The following WT1 variants were observed in gnomAD, a reference collection of about 807,000 sequenced individuals.
WT1 encodes WT1 transcription factor, also known as Wilms tumor protein.
Under a neutral mutation model 60.8 loss-of-function variants are expected in WT1, and 8 were observed. The ratio of observed to expected loss-of-function variants is 0.13; its 90% CI spans 0.08 to 0.24. The LOEUF is 0.24. Ranked by LOEUF, WT1 falls within the 10% of genes least tolerant of loss-of-function variation. WT1 has a pLI of 1.00. For missense variants in WT1, 568 were observed against 711.8 expected, an observed-to-expected ratio of 0.80 and a Z score of 2.30; for synonymous variants, 312 against 297.1, an observed-to-expected ratio of 1.05 and a Z score of -0.52.
intron 1 of WT1, among the ~76,000 whole-genome samples, chr11:32,429,816 T>G (rs557827979): frequency 1.3e-5 from 2 of 151,778 alleles, no homozygotes; most frequent in Non-Finnish European, 2.9e-5. Flanking sequence ...AGGAGTAAAT[T>G]GGGTCAAACA....
At chr11:32,417,869 C>G (rs1467114484) in intron 3 of WT1, among the ~76,000 whole-genome samples, 5 of 152,238 alleles carry the variant, frequency 3.3e-5, no homozygotes, top group African/African-American at 9.6e-5. Context: ...GTGAGAGTAA[C>G]TCAGAAGCAT....
chr11:32,393,290 G>A (rs1443360465), intron 7 of WT1, among the ~76,000 whole-genome samples: 4 of 152,156 alleles, frequency 2.6e-5, no homozygotes, highest in African/African-American at 7.2e-5. Context: ...ATGACTCCAT[G>A]GTTGTGAGAC....
intron 3 of WT1, among the ~76,000 whole-genome samples, chr11:32,420,219 G>A (rs1166198337): frequency 6.6e-6 from 1 of 152,144 alleles, no homozygotes; most frequent in African/African-American, 2.4e-5. Flanking sequence ...TTTTTTGAAT[G>A]TGGTTACTAG....
At position 32,388,915 on chromosome 11, in the gene WT1, A is replaced by G; in HGVS notation, c.*143T>C. 6.9e-7 allele frequency: 1 copy of G among 1,458,304 alleles called. No individual in the cohort carries two copies. Among genetic ancestry groups the G allele is most frequent in the Non-Finnish European group, 9.3e-7 (1 of 1,073,280 alleles). The allele number at this position is 1,458,304 out of a possible 1,614,324, so 90.3% of individuals were successfully genotyped here. A position where few individuals can be genotyped will look rare whatever the true frequency, so the allele number is the denominator to read the frequency against. On this transcript the variant is annotated 3_prime_UTR_variant, in exon 10 of 10. Coordinates refer to ENST00000452863, the MANE Select transcript of WT1 (RefSeq NM_024426.6). ...CCAGGCACACCTGGTAGTTTCCAGA[A>G]GCACCGGTATCTTGTCTTGGAAGTT...
intron 6 of WT1, among the ~76,000 whole-genome samples, chr11:32,398,730 G>A (rs764475274): frequency 5.3e-5 from 8 of 151,890 alleles, no homozygotes; most frequent in Non-Finnish European, 1.0e-4. Flanking sequence ...CACCTCATAA[G>A]TGTGTATTGC....
At chr11:32,392,815 G>A (rs2132922300) in intron 7 of WT1, 60 bp from the exon 8 acceptor site, 1 of 1,500,342 alleles carries the variant, frequency 6.7e-7, no homozygotes, top group Non-Finnish European at 9.3e-7. Context: ...CTCATTAAAG[G>A]CAACCTCTCC....
chr11:32,391,701 C>T (rs574179698), intron 9 of WT1, among the ~76,000 whole-genome samples: 142 of 152,322 alleles, frequency 9.3e-4, no homozygotes, highest in Non-Finnish European at 1.4e-3. Context: ...AAACTGGAAA[C>T]AGTAGGGACC....
chr11:32,421,448 T>G (rs1852851243), intron 3 of WT1, among the ~76,000 whole-genome samples: 1 of 152,224 alleles, frequency 6.6e-6, no homozygotes, highest in African/African-American at 2.4e-5. Flanking sequence ...GCTGCCAAAA[T>G]GTATTCCAAA....
chr11:32,427,810 T>A (rs1413529139), intron 3 of WT1, 146 bp downstream of exon 3: 2 of 595,678 alleles, frequency 3.4e-6, no homozygotes, highest in Non-Finnish European at 5.8e-6. Context: ...CTCTAAGTAG[T>A]AGAGTGGAGT....
Position 32,388,403 on chromosome 11 carries a change from G to A in WT1, c.*655C>T, listed in dbSNP as rs897393675. Reference sequence around the variant, plus strand: ...TGCCAGTGTTCACATTGAATTAACTGAATGGTAAAATTCTTTTAGATTTCT... The same window carrying A: ...TGCCAGTGTTCACATTGAATTAACTAAATGGTAAAATTCTTTTAGATTTCT... On this transcript the variant is annotated 3_prime_UTR_variant, in exon 10 of 10. Coordinates refer to ENST00000452863, the MANE Select transcript of WT1 (RefSeq NM_024426.6). The A allele has an allele frequency of 2.1e-5, 5 of 233,948 alleles. No individual in the cohort carries two copies. Among genetic ancestry groups the A allele is most frequent in the Non-Finnish European group, 4.2e-5 (5 of 118,550 alleles). The allele number at this position is 233,948 out of a possible 1,614,324, so 14.5% of individuals were successfully genotyped here.
intron 5 of WT1, among the ~76,000 whole-genome samples, chr11:32,401,118 A>T (rs1464793237): frequency 6.6e-6 from 1 of 152,262 alleles, no homozygotes; most frequent in Admixed American, 6.5e-5. Flanking sequence ...CCATCAACTG[A>T]TGAATAGATA....
intron 5 of WT1, among the ~76,000 whole-genome samples, chr11:32,411,258 A>G (rs1852490703): frequency 6.6e-6 from 1 of 152,156 alleles, no homozygotes; most frequent in Non-Finnish European, 1.5e-5. Flanking sequence ...CCTCACCTCC[A>G]CAAGATGAAA....
At chr11:32,413,392 C>G (rs1205102559) in intron 5 of WT1, among the ~76,000 whole-genome samples, 5 of 152,180 alleles carry the variant, frequency 3.3e-5, no homozygotes, top group Admixed American at 3.3e-4. Context: ...CATATTAATA[C>G]TTTTCATACC....
intron 1 of WT1, among the ~76,000 whole-genome samples, chr11:32,429,293 C>T (rs558179846): frequency 1.7e-4 from 26 of 152,290 alleles, no homozygotes; most frequent in African/African-American, 6.0e-4. Flanking sequence ...TGGGACCCAC[C>T]TTGCGCCCAG....
intron 9 of WT1, among the ~76,000 whole-genome samples, chr11:32,389,678 T>C (rs1184697960): frequency 1.3e-5 from 2 of 151,784 alleles, no homozygotes; most frequent in Admixed American, 1.3e-4. Context: ...GTAGATACCC[T>C]GGATGGGCTG....
chr11:32,429,308 C>T (rs1340252670), intron 1 of WT1, among the ~76,000 whole-genome samples: 1 of 152,128 alleles, frequency 6.6e-6, no homozygotes, highest in African/African-American at 2.4e-5. Context: ...GCCCAGGGGT[C>T]CGACCCTGAC....
At chr11:32,432,241 G>A (rs1455259960) in intron 1 of WT1, among the ~76,000 whole-genome samples, 3 of 152,156 alleles carry the variant, frequency 2.0e-5, no homozygotes, top group Admixed American at 1.3e-4. Flanking sequence ...ATCCAGAGAC[G>A]GCCTTGATTC....
intron 5 of WT1, among the ~76,000 whole-genome samples, chr11:32,403,487 C>T (rs1442068566): frequency 1.3e-5 from 2 of 152,104 alleles, no homozygotes; most frequent in Non-Finnish European, 2.9e-5. Flanking sequence ...TCAAGATAGC[C>T]CATTCCATTT....
At chr11:32,394,907 T>G (rs1462965650) in intron 7 of WT1, among the ~76,000 whole-genome samples, 1 of 152,232 alleles carries the variant, frequency 6.6e-6, no homozygotes, top group Non-Finnish European at 1.5e-5. Flanking sequence ...TGCCTTCATT[T>G]ATTCCCTTGC....
Sources: gnomAD v4.1 joint callset for allele counts (sites outside exome capture counted in the v4.1 genomes callset) on GRCh38, gnomAD v4.1.1 for gene constraint, MANE v1.5 for transcripts, NCBI Gene and HGNC (gene_info 2026-07-23, HGNC 2026-07-21) for gene names.